COL17A1: variants seen among roughly 807,000 people sequenced by gnomAD.
The protein encoded by COL17A1 is collagen alpha-1(XVII) chain.
A neutral mutation model predicts 218.4 loss-of-function variants in COL17A1; 181 were observed. The observed-to-expected ratio is 0.83, with a 90% CI of 0.73 to 0.94. The LOEUF (loss-of-function observed/expected upper bound fraction) is 0.94, where lower values mean the gene tolerates loss of function less well. Ranked by LOEUF, COL17A1 falls within the 40% of genes least tolerant of loss-of-function variation. The pLI is 0.00. For missense variants in COL17A1, 1,924 were observed against 1,945.9 expected, an observed-to-expected ratio of 0.99 and a Z score of 0.21; for synonymous variants, 721 against 731.0, an observed-to-expected ratio of 0.99 and a Z score of 0.22.
At chr10:104,059,387 G>A (rs111274303) in intron 15 of COL17A1, 9 of 557,792 alleles carry the variant, frequency 1.6e-5, no homozygotes, top group African/African-American at 9.4e-5. Context: ...AAATGCCTTC[G>A]TAGACATGGC....
chr10:104,035,897 AGC>A (rs2086279885), intron 48 of COL17A1, among the ~76,000 whole-genome samples: 1 of 86,996 alleles, frequency 1.1e-5, no homozygotes, highest in African/African-American at 4.6e-5. Context: ...AGTGTATGGG[AGC>A]GTGTGTATGG....
intron 46 of COL17A1, 57 bp from the exon 47 acceptor site, chr10:104,037,170 A>C: frequency 9.4e-6 from 14 of 1,489,098 alleles, no homozygotes; most frequent in Non-Finnish European, 1.2e-5. Flanking sequence ...CAACACCCTC[A>C]CTATTCCAGA....
chr10:104,043,565 G>T lies in COL17A1; in HGVS notation c.2451C>A (p.Leu817=). The T allele has an allele frequency of 1.2e-6, 2 of 1,614,002 alleles. No individual in the cohort carries two copies. The highest frequency in any genetic ancestry group is 1.7e-6 in the Non-Finnish European group (2 of 1,180,002). ...GAGGTCCTGGGGGGCCTGGGACAGT[G>T]AGCATCGATGACCCCTCTGAAAACA... ...KIVTSEGSSM[L]TVPGPPGPPG... is the part of the protein sequence containing the mutation. The change falls in exon 35 of 56, where the codon CTC becomes CTA. Residue 817 remains leucine, a synonymous_variant. Transcript: ENST00000648076.
Position 104,050,051 on chromosome 10 carries a change from C to T in COL17A1, c.2164+38G>A, listed in dbSNP as rs114681076. On this transcript the variant is annotated intron_variant, in intron 28 of 55. Transcript: ENST00000648076. Reference sequence around the variant, plus strand: ...TAGTGACTGATGGATTTACAAAAGTCGTGGATAGATTAAAGTAGATTCCCA... The same window carrying T: ...TAGTGACTGATGGATTTACAAAAGTTGTGGATAGATTAAAGTAGATTCCCA... 2,861 of 1,613,778 alleles carry T rather than the reference C, an allele frequency of 1.8e-3. 33 individuals are homozygous for T. The highest frequency in any genetic ancestry group is 0.011 in the African/African-American group (816 of 74,992).
In COL17A1 at chr10:104,049,477, A is replaced by G. The variant is rs770689504; in HGVS notation, c.2165-6T>C. 6 of 1,614,178 alleles carry G rather than the reference A, an allele frequency of 3.7e-6. No homozygotes were observed. The Admixed American group carries it at 1.0e-4, about 27-fold the overall frequency. ...ACCTCTCATGCCAGGCTCGCCTGCA[A>G]AGGACAAAGAACTAGCTGGTTGGAC... On this transcript the variant is annotated splice_region_variant and splice_polypyrimidine_tract_variant and intron_variant, in intron 28 of 55. Coordinates refer to ENST00000648076, the MANE Select transcript of COL17A1 (RefSeq NM_000494.4).
rs1368664929 is a variant in COL17A1, at chr10:104,034,348, AGCT to A, written c.3767-17_3767-15del. On this transcript the variant is annotated splice_polypyrimidine_tract_variant and intron_variant, in intron 51 of 55. Coordinates refer to ENST00000648076, the MANE Select transcript of COL17A1 (RefSeq NM_000494.4). ...GCACATCAGGACCTGCAGGGTGAGAAGCTGCATGAGTGGGAGCTCAGATCTCGG... is the reference window on the plus strand; with the variant it reads ...GCACATCAGGACCTGCAGGGTGAGAAGCATGAGTGGGAGCTCAGATCTCGG... The A allele has an allele frequency of 6.5e-7, 1 of 1,542,402 alleles. No individual in the cohort carries two copies. Among genetic ancestry groups the A allele is most frequent in the Non-Finnish European group, 8.7e-7 (1 of 1,150,942 alleles).
intron 4 of COL17A1, among the ~76,000 whole-genome samples, chr10:104,077,199 G>A (rs553953915): frequency 2.0e-4 from 30 of 152,314 alleles, no homozygotes; most frequent in Non-Finnish European, 2.4e-4. Context: ...AAATGCTGAT[G>A]ATTTATAATT....
chr10:104,036,186 G>GT, intron 48 of COL17A1, among the ~76,000 whole-genome samples: 1 of 25,648 alleles, frequency 3.9e-5, no homozygotes, highest in Admixed American at 3.9e-4. Flanking sequence ...GTATGGAAGT[G>GT]AGTGTGTGTG....
chr10:104,054,782 G>A (rs1035877988), intron 20 of COL17A1, among the ~76,000 whole-genome samples, 199 bp downstream of exon 20: 9 of 152,238 alleles, frequency 5.9e-5, no homozygotes, highest in South Asian at 2.1e-4. Context: ...CGCCAATCCC[G>A]GTCAGCTGGA....
chr10:104,077,324 C>G (rs965873962), intron 4 of COL17A1, 98 bp downstream of exon 4: 1 of 925,048 alleles, frequency 1.1e-6, no homozygotes, highest in East Asian at 2.6e-5. Context: ...TGCACTGATT[C>G]AAAATTGTGT....
Position 104,032,027 on chromosome 10 carries a change from A to G in COL17A1, c.*208T>C, listed in dbSNP as rs1844690688. 2 of 613,840 alleles carry G rather than the reference A, an allele frequency of 3.3e-6. No individual in the cohort carries two copies. The highest frequency in any genetic ancestry group is 5.8e-6 in the Non-Finnish European group (2 of 343,524). 38.0% of individuals were successfully genotyped at this position (613,840 alleles called of 1,614,324 possible). On this transcript the variant is annotated 3_prime_UTR_variant, in exon 56 of 56. Coordinates refer to ENST00000648076, the MANE Select transcript of COL17A1 (RefSeq NM_000494.4). ...AACATTGCAACTACTGTTAGAGTCC[A>G]CCCCATGAAGCTGTTTCAGATTGTG...
At chr10:104,056,454 C>T (rs139764538) in intron 17 of COL17A1, among the ~76,000 whole-genome samples, 4,198 of 152,076 alleles carry the variant, frequency 0.028, 209 homozygotes, top group African/African-American at 0.097. Context: ...TGGTGACATG[C>T]GCCTGTAGTC....
rs935142935 is a variant in COL17A1, at chr10:104,061,305, A to C, written c.979+100T>G. 16 of 1,216,298 alleles carry C rather than the reference A, an allele frequency of 1.3e-5. No individual in the cohort carries two copies. The African/African-American group carries it at 1.9e-4, about 15-fold the overall frequency. The allele number at this position is 1,216,298 out of a possible 1,614,324, so 75.3% of individuals were successfully genotyped here. A position where few individuals can be genotyped will look rare whatever the true frequency, so the allele number is the denominator to read the frequency against. ...ACTCATGGGTCCTATTTCCTCTTCC[A>C]GTATACCATGTGTATTGGAAGGATA... On this transcript the variant is annotated intron_variant, in intron 13 of 55. Transcript: ENST00000648076.
rs2086549143 is a variant in COL17A1 at position 104,058,152 on chromosome 10, TG to T, written c.1260del (p.Thr421LeufsTer72). 3.1e-6 allele frequency: 5 copies of T among 1,614,186 alleles called. No homozygotes were observed. The highest frequency in any genetic ancestry group is 4.2e-6 in the Non-Finnish European group (5 of 1,180,036). On this transcript the variant is annotated frameshift_variant, in exon 16 of 56. Transcript: ENST00000648076. LOFTEE classifies it high-confidence loss of function. ...GTTCGCGGTTCTCACCCACCTGCAG[TG>T]GTGGTCTTGCCCTTTGTGGACACAG... is the stretch of plus-strand genomic sequence containing the variant. ...LKTVSTKGKT[T>X]TADIHSYGSS...
rs779833236 is a variant in COL17A1, at chr10:104,035,291, G to A, written c.3591C>T (p.Ser1197=). The change falls in exon 50 of 56, where the codon AGC becomes AGT. Residue 1197 remains serine (S), a synonymous_variant. Coordinates refer to ENST00000648076, the MANE Select transcript of COL17A1 (RefSeq NM_000494.4). ...GTAAGTAAGACGAGAGGTCCTCCAC[G>A]CTGATGCTGGACCACACATTGCCTG... The part of the protein sequence containing the change: ...GIPGNVWSSI[S]VEDLSSYLHT... 22 of 1,613,924 alleles carry A rather than the reference G, an allele frequency of 1.4e-5. No homozygotes were observed. Among genetic ancestry groups the A allele is most frequent in the East Asian group, 4.5e-5 (2 of 44,900 alleles).
intron 2 of COL17A1, among the ~76,000 whole-genome samples, chr10:104,080,025 A>G (rs1209484612): frequency 6.6e-6 from 1 of 152,158 alleles, no homozygotes; most frequent in Admixed American, 6.5e-5. Flanking sequence ...CTCATTGTAT[A>G]GACCTTTGGG....
At chr10:104,039,573 G>C (rs370294727) in intron 42 of COL17A1, 35 bp downstream of exon 42, 9 of 1,614,180 alleles carry the variant, frequency 5.6e-6, no homozygotes, top group Non-Finnish European at 7.6e-6. Context: ...AGAGGCTCTG[G>C]CCAGAGCCAG....
At chr10:104,049,777 T>A (rs1235468173) in intron 28 of COL17A1, among the ~76,000 whole-genome samples, 1 of 152,264 alleles carries the variant, frequency 6.6e-6, no homozygotes, top group Non-Finnish European at 1.5e-5. Flanking sequence ...GTTGAGAGGA[T>A]ACCGGGGTGC....
At chr10:104,047,422 TTA>T (rs1290138250) in intron 31 of COL17A1, among the ~76,000 whole-genome samples, 2 of 152,150 alleles carry the variant, frequency 1.3e-5, no homozygotes, top group African/African-American at 2.4e-5. Flanking sequence ...CTAGAAATCC[TTA>T]TGTTTAGCTG....
Sources: allele counts gnomAD v4.1 joint callset (sites outside exome capture counted in the v4.1 genomes callset), GRCh38; gene constraint gnomAD v4.1.1; transcripts MANE v1.5; gene names NCBI Gene and HGNC (gene_info 2026-07-23, HGNC 2026-07-21).